The following GPC6 variants were observed in gnomAD, a reference collection of about 807,000 sequenced individuals.
The protein encoded by GPC6 is glypican-6.
GPC6 carries 14 observed loss-of-function variants against 55.2 expected under a neutral mutation model. The ratio of observed to expected loss-of-function variants is 0.25; its 90% CI spans 0.17 to 0.40. The LOEUF is 0.40. Ranked by LOEUF, GPC6 falls within the 10% of genes least tolerant of loss-of-function variation. The pLI is 1.00. For missense variants in GPC6, 641 were observed against 708.5 expected (o/e 0.90, Z 1.08); for synonymous variants, 278 against 259.6 (o/e 1.07, Z -0.68).
intron 3 of GPC6, among the ~76,000 whole-genome samples, chr13:93,878,656 G>A (rs1203480331): frequency 1.3e-5 from 2 of 152,006 alleles, no homozygotes; most frequent in Non-Finnish European, 2.9e-5. Context: ...AGGATTAAAG[G>A]CATGAGCCAC....
intron 2 of GPC6, among the ~76,000 whole-genome samples, chr13:93,614,664 T>A (rs181266886): frequency 1.3e-5 from 2 of 152,226 alleles, no homozygotes; most frequent in African/African-American, 4.8e-5. Flanking sequence ...CCCCCTATAT[T>A]TTTTTCAAAT....
At chr13:93,391,262 C>A (rs888139737) in intron 1 of GPC6, among the ~76,000 whole-genome samples, 3 of 152,128 alleles carry the variant, frequency 2.0e-5, no homozygotes, top group Admixed American at 6.5e-5. Flanking sequence ...TAACTATCTT[C>A]TAAGCCATAA....
intron 1 of GPC6, among the ~76,000 whole-genome samples, chr13:93,385,981 G>A (rs1302690677): frequency 6.6e-6 from 1 of 151,556 alleles, no homozygotes; most frequent in African/African-American, 2.4e-5. Context: ...AATAAATGAA[G>A]GGTCCAATGG....
intron 4 of GPC6, among the ~76,000 whole-genome samples, chr13:94,174,008 T>G (rs771425120): frequency 5.9e-5 from 9 of 152,220 alleles, no homozygotes; most frequent in Non-Finnish European, 1.0e-4. Context: ...ATTGATATCT[T>G]CTTATTACTT....
At chr13:94,102,139 C>T (rs950846349) in intron 4 of GPC6, among the ~76,000 whole-genome samples, 5 of 152,004 alleles carry the variant, frequency 3.3e-5, no homozygotes, top group African/African-American at 1.2e-4. Context: ...TATGAACTGG[C>T]AGCAGGGAAT....
In GPC6 at chr13:93,644,357, G is replaced by A. The variant is rs554505619; in HGVS notation, c.319+98936G>A. On this transcript the variant is annotated intron_variant, in intron 2 of 8. Transcript: ENST00000377047. ...TTGCACTTGAAGTCTCTTCAAAGCCGTCTAAAGAAATAGTCAGATATGTGT... is the reference window on the plus strand; with the variant it reads ...TTGCACTTGAAGTCTCTTCAAAGCCATCTAAAGAAATAGTCAGATATGTGT... 3.3e-4 allele frequency among the ~76,000 whole-genome samples: 50 copies of A among 152,126 alleles called. 1 individual carries two copies. Among genetic ancestry groups the A allele is most frequent in the African/African-American group, 8.9e-4 (37 of 41,518 alleles).
rs1400224607 is a variant in GPC6, at chr13:94,288,853, A to ATATTTGTTATAT, written c.1008+2374_1008+2375insTATTTGTTATAT. On this transcript the variant is annotated intron_variant, in intron 5 of 8. Coordinates refer to ENST00000377047, the MANE Select transcript of GPC6 (RefSeq NM_005708.5). The stretch of plus-strand genomic sequence containing the variant: ...TTTGTTATATATAACAAATATATAT[A>ATATTTGTTATAT]ATAAATATATATATTTGTTATATAT... Among the ~76,000 whole-genome samples, 8 of 69,814 alleles carry ATATTTGTTATAT rather than the reference A, an allele frequency of 1.1e-4. No individual in the cohort carries two copies. In the South Asian group the frequency reaches 1.2e-3, roughly 11 times the overall value. 45.8% of individuals were successfully genotyped at this position (69,814 alleles called of 152,430 possible). A position where few individuals can be genotyped will look rare whatever the true frequency, so the allele number is the denominator to read the frequency against.
At chr13:93,920,728 A>G (rs1304954100) in intron 3 of GPC6, among the ~76,000 whole-genome samples, 4 of 151,984 alleles carry the variant, frequency 2.6e-5, no homozygotes, top group African/African-American at 9.7e-5. Context: ...TCAAGCTCCT[A>G]TTCCCTCACT....
At chr13:93,849,181 A>G (rs993506030) in intron 3 of GPC6, among the ~76,000 whole-genome samples, 2 of 152,094 alleles carry the variant, frequency 1.3e-5, no homozygotes, top group African/African-American at 4.8e-5. Flanking sequence ...TATTACTTCT[A>G]TTATATTACT....
At chr13:93,920,194 A>G (rs1389552372) in intron 3 of GPC6, among the ~76,000 whole-genome samples, 1 of 152,062 alleles carries the variant, frequency 6.6e-6, no homozygotes, top group African/African-American at 2.4e-5. Flanking sequence ...TCTCACAGTT[A>G]TATCCTCATT....
intron 4 of GPC6, among the ~76,000 whole-genome samples, chr13:94,156,876 G>T (rs1483262944): frequency 6.6e-6 from 1 of 152,148 alleles, no homozygotes; most frequent in Non-Finnish European, 1.5e-5. Context: ...TTAGATGAGT[G>T]CTGGAGAAAG....
At chr13:93,762,309 A>G (rs570164110) in intron 2 of GPC6, among the ~76,000 whole-genome samples, 1 of 152,324 alleles carries the variant, frequency 6.6e-6, no homozygotes, top group Non-Finnish European at 1.5e-5. Flanking sequence ...CTGAAATCCT[A>G]CAGCCTCCAA....
At chr13:93,684,102 T>C (rs1287810873) in intron 2 of GPC6, among the ~76,000 whole-genome samples, 1 of 152,150 alleles carries the variant, frequency 6.6e-6, no homozygotes, top group African/African-American at 2.4e-5. Context: ...ATATATGAAA[T>C]TGGCAGAACA....
At chr13:93,536,841 T>C (rs1882082491) in intron 1 of GPC6, among the ~76,000 whole-genome samples, 1 of 152,220 alleles carries the variant, frequency 6.6e-6, no homozygotes, top group African/African-American at 2.4e-5. Flanking sequence ...AAATGGTAAC[T>C]GTTCCTAAAG....
intron 4 of GPC6, among the ~76,000 whole-genome samples, chr13:94,051,326 T>C (rs1002870005): frequency 4.6e-5 from 7 of 152,166 alleles, no homozygotes; most frequent in African/African-American, 1.7e-4. Flanking sequence ...CAAAATCCAC[T>C]ACAGTCACAT....
At chr13:94,332,506 G>GTC (rs954797277) in intron 6 of GPC6, among the ~76,000 whole-genome samples, 2 of 152,212 alleles carry the variant, frequency 1.3e-5, no homozygotes, top group Non-Finnish European at 2.9e-5. Flanking sequence ...TTTGCCTAAT[G>GTC]TCTCTGTACA....
At chr13:94,226,653 C>T (rs1890568771) in intron 4 of GPC6, among the ~76,000 whole-genome samples, 1 of 152,180 alleles carries the variant, frequency 6.6e-6, no homozygotes, top group Non-Finnish European at 1.5e-5. Flanking sequence ...CAGTGGCCTC[C>T]TCTTACTGCA....
At position 93,228,061 on chromosome 13, in the gene GPC6, C is replaced by A. The variant is rs993919906; in HGVS notation, c.160+445C>A. Among the ~76,000 whole-genome samples, 11 of 152,244 alleles carry A rather than the reference C, an allele frequency of 7.2e-5. No homozygotes were observed. In the East Asian group the frequency reaches 2.0e-3, roughly 27 times the overall value. On this transcript the variant is annotated intron_variant, in intron 1 of 8. Transcript: ENST00000377047. ...GTCTGAGTGGCGCCTTCTCCACTCC[C>A]GCCCTTGCGCCGGCAGGGGCGGTGG...
chr13:93,236,263 C>G (rs1267241106), intron 1 of GPC6, among the ~76,000 whole-genome samples: 1 of 152,086 alleles, frequency 6.6e-6, no homozygotes, highest in Non-Finnish European at 1.5e-5. Context: ...TTTAGGAGTA[C>G]AAGTGGTTGT....
Sources: gnomAD v4.1 joint callset for allele counts (sites outside exome capture counted in the v4.1 genomes callset) on GRCh38, gnomAD v4.1.1 for gene constraint, MANE v1.5 for transcripts, NCBI Gene and HGNC (gene_info 2026-07-23, HGNC 2026-07-21) for gene names.